The following ATP13A5 variants were observed in gnomAD, a reference collection of about 807,000 sequenced individuals.
ATP13A5 encodes the protein ATPase 13A5.
Under a neutral mutation model 150.2 loss-of-function variants are expected in ATP13A5, and 149 were observed. That is an observed-to-expected ratio of 0.99 (90% confidence interval 0.87 to 1.14). ATP13A5 has a LOEUF of 1.14. ATP13A5 is among the 50% of genes most tolerant of loss of function. ATP13A5 has a pLI of 0.00. For synonymous variants in ATP13A5, 497 were observed against 522.2 expected, an observed-to-expected ratio of 0.95 and a Z score of 0.66; for missense variants, 1,383 against 1,449.3, an observed-to-expected ratio of 0.95 and a Z score of 0.74.
intron 14 of ATP13A5, among the ~76,000 whole-genome samples, chr3:193,324,359 A>C (rs927322443): frequency 8.5e-5 from 13 of 152,208 alleles, no homozygotes; most frequent in African/African-American, 3.1e-4. Flanking sequence ...CAGATTAAAA[A>C]TTCAGTTTCT....
chr3:193,377,921 G>C (rs1277525108), intron 1 of ATP13A5, among the ~76,000 whole-genome samples: 1 of 152,228 alleles, frequency 6.6e-6, no homozygotes, highest in Non-Finnish European at 1.5e-5. Context: ...CCTTGGGCAA[G>C]TTATTTAACC....
At chr3:193,294,607 A>T (rs1012092366) in intron 25 of ATP13A5, among the ~76,000 whole-genome samples, 6 of 152,094 alleles carry the variant, frequency 3.9e-5, no homozygotes, top group African/African-American at 1.4e-4. Flanking sequence ...CAAATATGTG[A>T]TGGTATTGTC....
At chr3:193,377,470 T>G (rs1165123475) in intron 1 of ATP13A5, among the ~76,000 whole-genome samples, 2 of 152,234 alleles carry the variant, frequency 1.3e-5, no homozygotes, top group African/African-American at 4.8e-5. Flanking sequence ...TAAGATGTTT[T>G]ACTTTTTTTT....
At chr3:193,341,792 T>C (rs1189681440) in intron 9 of ATP13A5, among the ~76,000 whole-genome samples, 1 of 152,196 alleles carries the variant, frequency 6.6e-6, no homozygotes, top group Non-Finnish European at 1.5e-5. Flanking sequence ...AGTGTAGTTA[T>C]AAAATAAAGG....
rs1235039476 is a variant in ATP13A5 at position 193,305,606 on chromosome 3, AG to A, written c.2630del (p.Pro877LeufsTer33). On this transcript the variant is annotated frameshift_variant, in exon 23 of 30. Transcript: ENST00000342358. LOFTEE classifies it high-confidence loss of function. ...LSEQEASVAS[P>X]FTSKTTNIQC... ...GGATGTTGGTTGTTTTAGAGGTAAA[AG>A]GGGATGCCACAGATGCTTCCTGCTC... is the stretch of plus-strand genomic sequence containing the variant. 6.2e-7 allele frequency: 1 copy of A among 1,613,984 alleles called. No individual in the cohort carries two copies.
intron 5 of ATP13A5, among the ~76,000 whole-genome samples, chr3:193,359,180 G>A (rs1223268039): frequency 6.6e-6 from 1 of 152,152 alleles, no homozygotes; most frequent in Non-Finnish European, 1.5e-5. Flanking sequence ...AATGAGCAAA[G>A]CCCCTTTCCT....
At position 193,357,293 on chromosome 3, in the gene ATP13A5, G is replaced by A. The variant is rs564851630; in HGVS notation, c.537-3097C>T. On this transcript the variant is annotated intron_variant, in intron 5 of 29. Transcript: ENST00000342358. The stretch of plus-strand genomic sequence containing the variant: ...CATGCTCTTTGGCTCTCCAAGTTTG[G>A]CAATATTACCATTAAGAGAGAAGAG... 7.9e-5 allele frequency among the ~76,000 whole-genome samples: 12 copies of A among 152,266 alleles called. No individual in the cohort carries two copies. The South Asian group carries it at 2.5e-3, about 32-fold the overall frequency.
intron 19 of ATP13A5, among the ~76,000 whole-genome samples, chr3:193,312,152 T>C (rs1478278379): frequency 2.0e-5 from 3 of 152,206 alleles, no homozygotes; most frequent in Admixed American, 2.0e-4. Flanking sequence ...ACTTGGACAG[T>C]ATGGTACTCT....
intron 6 of ATP13A5, among the ~76,000 whole-genome samples, chr3:193,351,818 T>TA (rs1481977720): frequency 6.6e-6 from 1 of 152,200 alleles, no homozygotes; most frequent in African/African-American, 2.4e-5. Context: ...CAGAAGGTAT[T>TA]ACCAACCTGA....
At chr3:193,312,334 T>C (rs1249834029) in intron 19 of ATP13A5, among the ~76,000 whole-genome samples, 1 of 152,172 alleles carries the variant, frequency 6.6e-6, no homozygotes, top group East Asian at 1.9e-4. Context: ...TATTCCAAAA[T>C]CACCCTCATT....
chr3:193,342,056 C>A (rs929854510), intron 9 of ATP13A5, among the ~76,000 whole-genome samples: 1 of 152,280 alleles, frequency 6.6e-6, no homozygotes, highest in East Asian at 1.9e-4. Context: ...CAGCTCTGGT[C>A]TTTTTACCTC....
At chr3:193,374,774 G>A (rs746396531) in intron 1 of ATP13A5, among the ~76,000 whole-genome samples, 5 of 152,128 alleles carry the variant, frequency 3.3e-5, no homozygotes, top group African/African-American at 4.8e-5. Flanking sequence ...AGGTTCTTGC[G>A]CTGGGAGGTG....
rs779155800 is a variant in ATP13A5 at position 193,354,149 on chromosome 3, A to G, written c.584T>C (p.Ile195Thr). ...TACCTGTTTAACAAGCAGCTTCCAT[A>G]TGGGTTGGATTTCAACCTCAATGGC... ...PNAIEVEIQP[I>T]WKLLVKQVLN... is the part of the protein sequence containing the mutation. The change falls in exon 6 of 30, where the codon ATA (isoleucine) becomes ACA (threonine). Residue 195 changes from isoleucine (I) to threonine (T), a missense_variant. Coordinates refer to ENST00000342358, the MANE Select transcript of ATP13A5 (RefSeq NM_198505.4). 6.2e-7 allele frequency: 1 copy of G among 1,610,500 alleles called. No individual in the cohort carries two copies. Among genetic ancestry groups the G allele is most frequent in the Non-Finnish European group, 8.5e-7 (1 of 1,179,114 alleles).
chr3:193,304,471 A>G (rs1341949014), intron 23 of ATP13A5, among the ~76,000 whole-genome samples: 1 of 152,186 alleles, frequency 6.6e-6, no homozygotes, highest in Non-Finnish European at 1.5e-5. Flanking sequence ...CTGATGCACC[A>G]AAGGACATGC....
At chr3:193,358,491 A>G (rs534934456) in intron 5 of ATP13A5, among the ~76,000 whole-genome samples, 21 of 152,344 alleles carry the variant, frequency 1.4e-4, no homozygotes, top group African/African-American at 5.1e-4. Context: ...ATATTTTGAG[A>G]AATTGCTTTA....
At chr3:193,328,501 A>G (rs1332083042) in intron 12 of ATP13A5, among the ~76,000 whole-genome samples, 1 of 152,228 alleles carries the variant, frequency 6.6e-6, no homozygotes, top group Non-Finnish European at 1.5e-5. Context: ...TGATGTTTTT[A>G]AACATCAATA....
At chr3:193,344,959 C>T (rs1257291197) in intron 8 of ATP13A5, 44 bp downstream of exon 8, 1 of 1,518,814 alleles carries the variant, frequency 6.6e-7, no homozygotes, top group Non-Finnish European at 9.1e-7. Context: ...CCAATTCCCC[C>T]CTGAAATATT....
rs1333803959 is a variant in ATP13A5, at chr3:193,301,297, C to T, written c.2689G>A (p.Ala897Thr). 2 of 1,608,710 alleles carry T rather than the reference C, an allele frequency of 1.2e-6. No homozygotes were observed. The highest frequency in any genetic ancestry group is 1.7e-6 in the Non-Finnish European group (2 of 1,178,414). The change falls in exon 24 of 30, where the codon GCT becomes ACT. Residue 897 changes from alanine to threonine, a missense_variant. Physicochemically the swap from Ala to Thr is moderately conservative, Grantham distance 58. Transcript: ENST00000342358. Reference sequence around the variant, plus strand: ...ACTCCAAAGGATGAAACCAGAGCAGCTCGGCCTTCTCTGTTTAAAAAGAAA... The same window carrying T: ...ACTCCAAAGGATGAAACCAGAGCAGTTCGGCCTTCTCTGTTTAAAAAGAAA... ...CVPHLIREGR[A>T]ALVSSFGVFK...
At chr3:193,280,875 T>A (rs1375734386) in intron 27 of ATP13A5, among the ~76,000 whole-genome samples, 1 of 152,180 alleles carries the variant, frequency 6.6e-6, no homozygotes, top group Non-Finnish European at 1.5e-5. Context: ...TCAGTGTTGA[T>A]CTACTCCTCC....
Sources: allele counts gnomAD v4.1 joint callset (sites outside exome capture counted in the v4.1 genomes callset), GRCh38; gene constraint gnomAD v4.1.1; transcripts MANE v1.5; gene names NCBI Gene and HGNC (gene_info 2026-07-23, HGNC 2026-07-21).